The following HS3ST5 variants were observed in gnomAD, a reference collection of about 807,000 sequenced individuals.
HS3ST5 encodes the protein heparan sulfate glucosamine 3-O-sulfotransferase 5.
A neutral mutation model predicts 25.4 loss-of-function variants in HS3ST5; 10 were observed. The observed-to-expected ratio is 0.39, with a 90% confidence interval of 0.24 to 0.67. The LOEUF is 0.67. Among genes scored for constraint, HS3ST5 ranks in the 30% least tolerant of loss-of-function variants. The probability of loss-of-function intolerance (pLI) is 0.44; values close to 1 mark genes in which losing one functional copy is unlikely to be tolerated. For missense variants in HS3ST5, 324 were observed against 420.7 expected (o/e 0.77, Z 2.01); for synonymous variants, 170 against 162.4 (o/e 1.05, Z -0.36).
In HS3ST5 at chr6:114,292,869, T is replaced by C. The variant is rs143111009; in HGVS notation, c.-339+49326A>G. ...CTTATAAGACCCAACATAATGTAAA[T>C]GCTATATAAATCGCTTTATATTGTT... On this transcript the variant is annotated intron_variant, in intron 1 of 4. Coordinates refer to ENST00000312719, the MANE Select transcript of HS3ST5 (RefSeq NM_153612.4). Among the ~76,000 whole-genome samples, 261 of 152,350 alleles carry C rather than the reference T, an allele frequency of 1.7e-3. 1 individual carries two copies. The highest frequency in any genetic ancestry group is 3.4e-3 in the Middle Eastern group (1 of 294).
rs1776952126 is a variant in HS3ST5, at chr6:114,342,935, G to T, written c.-1079C>A. ...GCCTCCCGGAGACGTGCCCAGCTGT[G>T]TGCGCGTGTGTGTGTCTAAGCGAAT... is the stretch of plus-strand genomic sequence containing the variant. On this transcript the variant is annotated 5_prime_UTR_variant, in exon 1 of 5. Transcript: ENST00000312719. The T allele has an allele frequency of 6.6e-6, 1 of 152,316 alleles. No individual in the cohort carries two copies. The highest frequency in any genetic ancestry group is 1.5e-5 in the Non-Finnish European group (1 of 68,162). The allele number at this position is 152,316 out of a possible 1,614,324, so 9.4% of individuals were successfully genotyped here.
chr6:114,281,945 T>A (rs1359224229), intron 1 of HS3ST5: 2 of 151,838 alleles, frequency 1.3e-5, no homozygotes, highest in Non-Finnish European at 2.9e-5. Flanking sequence ...TGCTGATGAG[T>A]CTTGGCATTT....
rs1232763105 is a variant in HS3ST5 at position 114,342,666 on chromosome 6, C to A, written c.-810G>T. The A allele has an allele frequency of 6.6e-6, 1 of 152,580 alleles. No individual in the cohort carries two copies. The highest frequency in any genetic ancestry group is 2.4e-5 in the African/African-American group (1 of 41,452). 9.5% of individuals were successfully genotyped at this position (152,580 alleles called of 1,614,324 possible). On this transcript the variant is annotated 5_prime_UTR_variant, in exon 1 of 5. Coordinates refer to ENST00000312719, the MANE Select transcript of HS3ST5 (RefSeq NM_153612.4). ...GGAGGTGCGCATCCTCCTTGCCCCA[C>A]GAGGGCACCGGCGCAGCCCCGGACC...
At chr6:114,260,438 T>C (rs1027439878) in intron 1 of HS3ST5, among the ~76,000 whole-genome samples, 2 of 152,216 alleles carry the variant, frequency 1.3e-5, no homozygotes, top group Non-Finnish European at 2.9e-5. Flanking sequence ...TAAACAACTC[T>C]TTCACTTTGC....
At chr6:114,074,146 G>C (rs922865584) in intron 3 of HS3ST5, among the ~76,000 whole-genome samples, 5 of 152,046 alleles carry the variant, frequency 3.3e-5, no homozygotes, top group Admixed American at 2.6e-4. Flanking sequence ...GCCTGTTTGG[G>C]GGTAGGAGGC....
chr6:114,329,675 A>T (rs1199808609), intron 1 of HS3ST5, among the ~76,000 whole-genome samples: 2 of 152,198 alleles, frequency 1.3e-5, no homozygotes, highest in African/African-American at 4.8e-5. Flanking sequence ...GGTTTGGCGC[A>T]CAAGTAGCTT....
intron 3 of HS3ST5, among the ~76,000 whole-genome samples, chr6:114,112,171 A>T (rs2114850959): frequency 6.6e-6 from 1 of 152,346 alleles, no homozygotes; most frequent in African/African-American, 2.4e-5. Flanking sequence ...AATATGTCAG[A>T]TTATATGGCG....
chr6:114,147,370 C>T (rs1363673155), intron 3 of HS3ST5, among the ~76,000 whole-genome samples: 1 of 152,164 alleles, frequency 6.6e-6, no homozygotes, highest in African/African-American at 2.4e-5. Context: ...GTGCAACTTC[C>T]ACATCACTTA....
intron 1 of HS3ST5, among the ~76,000 whole-genome samples, chr6:114,300,497 C>G (rs1187514638): frequency 6.6e-6 from 1 of 152,068 alleles, no homozygotes; most frequent in Non-Finnish European, 1.5e-5. Flanking sequence ...AAAAGACAGA[C>G]AATAATAAGT....
At chr6:114,272,790 C>A (rs1276036998) in intron 1 of HS3ST5, among the ~76,000 whole-genome samples, 3 of 152,042 alleles carry the variant, frequency 2.0e-5, no homozygotes, top group Non-Finnish European at 4.4e-5. Context: ...ACAAGGCATG[C>A]AGATAACAGA....
intron 1 of HS3ST5, among the ~76,000 whole-genome samples, chr6:114,309,101 G>T (rs1281456374): frequency 6.6e-6 from 1 of 152,162 alleles, no homozygotes; most frequent in African/African-American, 2.4e-5. Flanking sequence ...AGATTTAGAA[G>T]AGATAGGGCC....
At chr6:114,164,853 A>G (rs2114990972) in intron 3 of HS3ST5, among the ~76,000 whole-genome samples, 1 of 152,304 alleles carries the variant, frequency 6.6e-6, no homozygotes, top group South Asian at 2.1e-4. Flanking sequence ...ACAGTTTTAT[A>G]AGACTGAGCC....
At chr6:114,327,370 A>C (rs1158341773) in intron 1 of HS3ST5, among the ~76,000 whole-genome samples, 4 of 152,214 alleles carry the variant, frequency 2.6e-5, no homozygotes, top group Admixed American at 6.5e-5. Context: ...AAGAAAAGAC[A>C]AAAGAAGAAG....
intron 1 of HS3ST5, among the ~76,000 whole-genome samples, chr6:114,322,205 T>C (rs1354345880): frequency 5.3e-5 from 8 of 152,134 alleles, no homozygotes; most frequent in African/African-American, 1.9e-4. Flanking sequence ...GAAATATAAA[T>C]GTGGTTTTAA....
At chr6:114,093,885 G>A (rs1285365361) in intron 3 of HS3ST5, among the ~76,000 whole-genome samples, 1 of 152,306 alleles carries the variant, frequency 6.6e-6, no homozygotes, top group East Asian at 1.9e-4. Context: ...GCAGACATGG[G>A]CATGTAGATG....
chr6:114,059,376 C>A (rs1199697802), intron 4 of HS3ST5: 1 of 152,148 alleles, frequency 6.6e-6, no homozygotes, highest in Non-Finnish European at 1.5e-5. Context: ...GTGTCTCCCC[C>A]TCTGTGGCAA....
chr6:114,120,030 A>G (rs1298343785), intron 3 of HS3ST5, among the ~76,000 whole-genome samples: 1 of 152,184 alleles, frequency 6.6e-6, no homozygotes, highest in African/African-American at 2.4e-5. Context: ...CTGTAATCCC[A>G]GCTACTCAGG....
chr6:114,318,472 G>A (rs1451958198), intron 1 of HS3ST5, among the ~76,000 whole-genome samples: 1 of 151,976 alleles, frequency 6.6e-6, no homozygotes, highest in Non-Finnish European at 1.5e-5. Context: ...GACAACAAAA[G>A]GTTGCCCTGG....
At chr6:114,098,457 A>T (rs1775555438) in intron 3 of HS3ST5, among the ~76,000 whole-genome samples, 1 of 149,438 alleles carries the variant, frequency 6.7e-6, no homozygotes, top group African/African-American at 2.4e-5. Flanking sequence ...ATATTTTCAG[A>T]CTTTATGGCC....
Sources: allele counts gnomAD v4.1 joint callset (sites outside exome capture counted in the v4.1 genomes callset), GRCh38; gene constraint gnomAD v4.1.1; transcripts MANE v1.5; gene names NCBI Gene and HGNC (gene_info 2026-07-23, HGNC 2026-07-21).